The following TLE2 variants were observed in gnomAD, a reference collection of about 807,000 sequenced individuals.
TLE2 encodes TLE family member 2, transcriptional corepressor, also known as transducin-like enhancer protein 2.
TLE2 carries 74 observed loss-of-function variants against 97.2 expected under a neutral mutation model. That is an observed-to-expected ratio of 0.76 (90% CI 0.63 to 0.92). TLE2 has a LOEUF of 0.92. TLE2 is among the 40% of genes least tolerant of loss of function. The pLI, the probability that TLE2 is intolerant of heterozygous loss-of-function variation, is 0.00. For synonymous variants in TLE2, 499 were observed against 432.1 expected, an observed-to-expected ratio of 1.15 and a Z score of -1.92; for missense variants, 1,038 against 1,008.7, an observed-to-expected ratio of 1.03 and a Z score of -0.39.
intron 12 of TLE2, 133 bp from the exon 13 acceptor site, chr19:3,009,835 C>T (rs1686361797): frequency 3.9e-6 from 4 of 1,017,558 alleles, no homozygotes; most frequent in Non-Finnish European, 5.6e-6. Context: ...GCCTGGGACA[C>T]CTCCAGACCT....
chr19:3,022,204 A>G (rs915395175), intron 5 of TLE2, among the ~76,000 whole-genome samples: 1 of 151,516 alleles, frequency 6.6e-6, no homozygotes, highest in African/African-American at 2.4e-5. Flanking sequence ...ACCTGCCACC[A>G]CACCCAGCTA....
intron 17 of TLE2, among the ~76,000 whole-genome samples, chr19:3,003,614 G>A (rs527572002): frequency 7.8e-6 from 1 of 128,824 alleles, no homozygotes; most frequent in Admixed American, 9.9e-5. Flanking sequence ...CTCCAGCCTG[G>A]GTGACAGAGC....
chr19:3,004,941 G>A (rs375643121), intron 17 of TLE2, among the ~76,000 whole-genome samples: 1 of 152,030 alleles, frequency 6.6e-6, no homozygotes, highest in East Asian at 1.9e-4. Context: ...GGAGCCCCCA[G>A]CTCTGTCCAG....
chr19:3,005,475 C>T lies in TLE2; in HGVS notation c.1858G>A (p.Glu620Lys). Residue 620 changes from glutamate (E) to lysine (K), a missense_variant, in exon 17 of 20, where the codon GAG becomes AAG. Glu to Lys is a moderately conservative substitution (Grantham distance 56, BLOSUM62 1). Transcript: ENST00000262953. ...DNTVRCWDLREGRQLQQHDFS... is the reference protein window; with the variant it reads ...DNTVRCWDLRKGRQLQQHDFS... ...TCATGCTGCTGCAGCTGGCGGCCCTCCCGCAGGTCCCAGCAGCGCACCGTG... is the reference window on the plus strand; with the variant it reads ...TCATGCTGCTGCAGCTGGCGGCCCTTCCGCAGGTCCCAGCAGCGCACCGTG... The T allele has an allele frequency of 3.1e-6, 5 of 1,613,830 alleles. No homozygotes were observed. The highest frequency in any genetic ancestry group is 1.3e-5 in the African/African-American group (1 of 75,062).
Position 3,019,545 on chromosome 19 carries a change from G to A in TLE2, c.370-82C>T. ...CCCAGCCCAAGAGGTAGACACAGGG[G>A]ATGGGACCTAAGCACAGCATGTGCC... On this transcript the variant is annotated intron_variant, in intron 6 of 19. Coordinates refer to ENST00000262953, the MANE Select transcript of TLE2 (RefSeq NM_003260.5). The surrounding 1 kb of genome is among the most constrained non-coding windows in gnomAD (Gnocchi z 5.1). 3 of 1,486,448 alleles carry A rather than the reference G, an allele frequency of 2.0e-6. No homozygotes were observed. The highest frequency in any genetic ancestry group is 1.8e-6 in the Non-Finnish European group (2 of 1,116,650). The allele number at this position is 1,486,448 out of a possible 1,614,324, so 92.1% of individuals were successfully genotyped here.
At chr19:3,005,311 G>A in intron 17 of TLE2, 126 bp downstream of exon 17, 2 of 1,304,600 alleles carry the variant, frequency 1.5e-6, no homozygotes, top group Non-Finnish European at 2.1e-6. Context: ...GGACAAGAAA[G>A]ATGGACACCA....
chr19:3,016,702 G>A (rs1157196655), intron 8 of TLE2, among the ~76,000 whole-genome samples: 2 of 152,074 alleles, frequency 1.3e-5, no homozygotes, highest in African/African-American at 4.8e-5. Context: ...ATGGCTAGGC[G>A]AACGGAAGTG....
chr19:3,039,224 CCAA>C (rs1328889446), intron 1 of TLE2, among the ~76,000 whole-genome samples: 7 of 101,032 alleles, frequency 6.9e-5, no homozygotes, highest in African/African-American at 2.4e-4. Flanking sequence ...TTTCCCCACT[CCAA>C]AAAAAAAAAA....
chr19:3,024,978 C>A (rs761908697), intron 5 of TLE2, 42 bp downstream of exon 5: 2 of 1,527,192 alleles, frequency 1.3e-6, no homozygotes, highest in South Asian at 1.2e-5. Context: ...CGTCTTCTTC[C>A]GGCTCCCTTC....
At chr19:3,016,200 T>G (rs1209276441) in intron 8 of TLE2, among the ~76,000 whole-genome samples, 6 of 150,834 alleles carry the variant, frequency 4.0e-5, no homozygotes, top group African/African-American at 1.5e-4. Context: ...CCTCCCAAAG[T>G]GCTGGGATTA....
chr19:3,009,396 G>T, intron 13 of TLE2, 146 bp downstream of exon 13: 1 of 994,286 alleles, frequency 1.0e-6, no homozygotes, highest in Non-Finnish European at 1.4e-6. Context: ...GAGACCCCCA[G>T]ATTGTCTTCC....
In TLE2 at chr19:3,029,073, G is replaced by A. The variant is rs996854958; in HGVS notation, c.-169C>T. 1.8e-5 allele frequency: 24 copies of A among 1,304,440 alleles called. No homozygotes were observed. Among genetic ancestry groups the A allele is most frequent in the African/African-American group, 9.2e-5 (6 of 65,306 alleles). The allele number at this position is 1,304,440 out of a possible 1,614,324, so 80.8% of individuals were successfully genotyped here. On this transcript the variant is annotated 5_prime_UTR_variant, in exon 1 of 20. Transcript: ENST00000262953. Reference sequence around the variant, plus strand: ...TGGAGTCCCTGGCGCGCCCCCAAGCGCGCGCGCCCGGGGTCGTGGGAGCCC... The same window carrying A: ...TGGAGTCCCTGGCGCGCCCCCAAGCACGCGCGCCCGGGGTCGTGGGAGCCC...
intron 17 of TLE2, among the ~76,000 whole-genome samples, chr19:3,003,967 A>G (rs1340793451): frequency 2.0e-5 from 3 of 152,102 alleles, no homozygotes; most frequent in Non-Finnish European, 2.9e-5. Context: ...TCGGCCTCCC[A>G]AAGTGCTGAG....
upstream of TLE2, among the ~76,000 whole-genome samples, chr19:3,046,923 C>CCCTCCTCTCCCTCCCCCT (rs1453952748): frequency 8.0e-6 from 1 of 124,972 alleles, no homozygotes; most frequent in African/African-American, 3.0e-5. Flanking sequence ...CTCCTCCTCC[C>CCCTCCTCTCCCTCCCCCT]CCTCCTCTGC....
chr19:3,013,649 G>C lies in TLE2; in HGVS notation c.873+20C>G, dbSNP rs757255223. 1.5e-6 allele frequency: 2 copies of C among 1,351,594 alleles called. No homozygotes were observed. Among genetic ancestry groups the C allele is most frequent in the East Asian group, 5.6e-5 (2 of 35,830 alleles). The allele number at this position is 1,351,594 out of a possible 1,614,324, so 83.7% of individuals were successfully genotyped here. ...CCGGGATGAATAAAGTGAGTTTCAA[G>C]GCCCTCCCCTCCTCCTTACCAGGAT... On this transcript the variant is annotated intron_variant, in intron 11 of 19. Coordinates refer to ENST00000262953, the MANE Select transcript of TLE2 (RefSeq NM_003260.5).
chr19:3,016,419 C>CAAAAAA (rs34669546), intron 8 of TLE2, among the ~76,000 whole-genome samples: 3 of 91,550 alleles, frequency 3.3e-5, no homozygotes, highest in African/African-American at 4.2e-5. Context: ...ACTAAAAATA[C>CAAAAAA]AAAAAAAAAA....
rs573305767 is a variant in TLE2 at position 3,027,585 on chromosome 19, C to T, written c.231+244G>A. On this transcript the variant is annotated intron_variant, in intron 4 of 19. Transcript: ENST00000262953. ...CCTGGTGGCCCCTGCCCACTGCCTG[C>T]ATCTCTGCTGGACGCTCCAACTGCT... Among the ~76,000 whole-genome samples the T allele has an allele frequency of 3.3e-5, 5 of 152,352 alleles. No individual in the cohort carries two copies. The East Asian group carries it at 9.6e-4, about 29-fold the overall frequency.
upstream of TLE2, among the ~76,000 whole-genome samples, chr19:3,046,204 A>T (rs1343056909): frequency 6.6e-6 from 1 of 152,192 alleles, no homozygotes; most frequent in Non-Finnish European, 1.5e-5. Flanking sequence ...CATCTGCACC[A>T]TGGGAAGAGA....
rs537336820 is a variant in TLE2, at chr19:3,017,483, C to G, written c.570+357G>C. On this transcript the variant is annotated intron_variant, in intron 8 of 19. Transcript: ENST00000262953. ...TTTTTTTTTTTGAGACAGGGTCTTACTCTGTCACCCAGGTTGGAGTGCAGT... is the reference window on the plus strand; with the variant it reads ...TTTTTTTTTTTGAGACAGGGTCTTAGTCTGTCACCCAGGTTGGAGTGCAGT... Among the ~76,000 whole-genome samples, 429 of 126,016 alleles carry G rather than the reference C, an allele frequency of 3.4e-3. 6 individuals are homozygous for G. The South Asian group carries it at 0.036, about 11-fold the overall frequency. 82.7% of individuals were successfully genotyped at this position (126,016 alleles called of 152,430 possible).
Sources: allele counts gnomAD v4.1 joint callset (sites outside exome capture counted in the v4.1 genomes callset), GRCh38; gene constraint gnomAD v4.1.1; non-coding constraint Gnocchi (gnomAD v3.1); transcripts MANE v1.5; gene names NCBI Gene and HGNC (gene_info 2026-07-23, HGNC 2026-07-21).